ABHD6: variants seen among roughly 807,000 people sequenced by gnomAD.
ABHD6 encodes monoacylglycerol lipase ABHD6.
ABHD6 carries 33 observed loss-of-function variants against 38.8 expected under a neutral mutation model. The ratio of observed to expected loss-of-function variants is 0.85; its 90% CI spans 0.64 to 1.14. ABHD6 has a LOEUF of 1.14. Ranked by LOEUF, ABHD6 falls within the 50% of genes most tolerant of loss-of-function variation. The pLI, the probability that ABHD6 is intolerant of heterozygous loss-of-function variation, is 0.00. For missense variants in ABHD6, 380 were observed against 422.6 expected, an observed-to-expected ratio of 0.90 and a Z score of 0.88; for synonymous variants, 147 against 161.6, an observed-to-expected ratio of 0.91 and a Z score of 0.69.
chr3:58,282,645 AG>A (rs1456791756), intron 7 of ABHD6, among the ~76,000 whole-genome samples: 1 of 152,112 alleles, frequency 6.6e-6, no homozygotes. Flanking sequence ...CTGAGGTGAG[AG>A]GATCACCTGA....
chr3:58,267,127 C>G lies in ABHD6; in HGVS notation c.120-62C>G, dbSNP rs956298786. The G allele has an allele frequency of 6.4e-7, 1 of 1,568,194 alleles. No individual in the cohort carries two copies. Among genetic ancestry groups the G allele is most frequent in the African/African-American group, 1.4e-5 (1 of 73,572 alleles). ...ACTTATAGAGAGGACCTGTGCCCATCTTGAAGCCACTCATCTAGAGCTTAC... is the reference window on the plus strand; with the variant it reads ...ACTTATAGAGAGGACCTGTGCCCATGTTGAAGCCACTCATCTAGAGCTTAC... On this transcript the variant is annotated intron_variant, in intron 3 of 9. Transcript: ENST00000478253. This position sits in a 1 kb window ranked among gnomAD's most constrained non-coding sequence, Gnocchi z 4.3.
Position 58,257,605 on chromosome 3 carries a change from C to G in ABHD6, c.119+900C>G, listed in dbSNP as rs1276506754. Among the ~76,000 whole-genome samples, 4 of 152,062 alleles carry G rather than the reference C, an allele frequency of 2.6e-5. No homozygotes were observed. Among genetic ancestry groups the G allele is most frequent in the Non-Finnish European group, 5.9e-5 (4 of 68,012 alleles). The stretch of plus-strand genomic sequence containing the variant: ...CTCAAACTCCTGACCTCAAGTGATC[C>G]TCCCACCTCAGCCTCCCAAAGTGCT... On this transcript the variant is annotated intron_variant, in intron 3 of 9. Transcript: ENST00000478253. The surrounding 1 kb of genome is among the most constrained non-coding windows in gnomAD (Gnocchi z 4.8).
chr3:58,270,850 T>G, intron 5 of ABHD6, 82 bp from the exon 6 acceptor site: 1 of 1,440,856 alleles, frequency 6.9e-7, no homozygotes, highest in Non-Finnish European at 9.3e-7. Flanking sequence ...CCATAGGAAG[T>G]CCAGGGGGCT....
At chr3:58,252,130 G>A (rs992155344) in intron 2 of ABHD6, among the ~76,000 whole-genome samples, 3 of 151,766 alleles carry the variant, frequency 2.0e-5, no homozygotes, top group Non-Finnish European at 2.9e-5. Flanking sequence ...TCCATTGCAC[G>A]AGTTTGTCCC....
chr3:58,274,723 G>A lies in ABHD6; in HGVS notation c.589G>A (p.Val197Met), dbSNP rs765610845. 73 of 1,614,220 alleles carry A rather than the reference G, an allele frequency of 4.5e-5. 1 individual carries two copies. The highest frequency in any genetic ancestry group is 6.7e-5 in the East Asian group (3 of 44,890). ...RLKELQGSAA[V>M]EKIPLIPSTP... Reference sequence around the variant, plus strand: ...CAAAGAACTGCAGGGCTCTGCCGCCGTGGAGAAGATTCCCTTGATCCCGTC... The same window carrying A: ...CAAAGAACTGCAGGGCTCTGCCGCCATGGAGAAGATTCCCTTGATCCCGTC... Residue 197 changes from valine (V) to methionine (M), a missense_variant, in exon 7 of 10, where the codon GTG becomes ATG. Physicochemically the swap from Val to Met is conservative, Grantham distance 21. Transcript: ENST00000478253.
At position 58,286,852 on chromosome 3, in the gene ABHD6, G is replaced by GTATATATATATATATATATA. The variant is rs1235603195; in HGVS notation, c.837+1416_837+1417insATATATATATATATATATAT. Among the ~76,000 whole-genome samples, 214 of 70,580 alleles carry GTATATATATATATATATATA rather than the reference G, an allele frequency of 3.0e-3. 7 individuals are homozygous for GTATATATATATATATATATA. The highest frequency in any genetic ancestry group is 4.2e-3 in the Admixed American group (24 of 5,778). The allele number at this position is 70,580 out of a possible 152,430, so 46.3% of individuals were successfully genotyped here. A position where few individuals can be genotyped will look rare whatever the true frequency, so the allele number is the denominator to read the frequency against. ...TGTGTGTGTGTGTGTGTGTGTGTGT[G>GTATATATATATATATATATA]TATATATATATATATATGTATATGT... On this transcript the variant is annotated intron_variant, in intron 9 of 9. Coordinates refer to ENST00000478253, the MANE Select transcript of ABHD6 (RefSeq NM_001320126.2).
chr3:58,267,276 G>T lies in ABHD6; in HGVS notation c.207G>T (p.Gly69=), dbSNP rs367829531. The change falls in exon 4 of 10, where the codon GGG becomes GGT. Residue 69 remains glycine (G), a synonymous_variant. Transcript: ENST00000478253. This position sits in a 1 kb window ranked among gnomAD's most constrained non-coding sequence, Gnocchi z 4.3. ...QFCYSFRGRP[G]HKPSILMLHG... ...GTTATTCCTTCCGGGGCAGGCCTGG[G>T]CACAAACCCTCCATCCTCATGCTCC... is the stretch of plus-strand genomic sequence containing the variant. 3 of 1,614,014 alleles carry T rather than the reference G, an allele frequency of 1.9e-6. No individual in the cohort carries two copies. The highest frequency in any genetic ancestry group is 1.3e-5 in the African/African-American group (1 of 74,920).
chr3:58,242,867 C>T (rs1476367531), intron 1 of ABHD6, among the ~76,000 whole-genome samples: 1 of 152,142 alleles, frequency 6.6e-6, no homozygotes, highest in African/African-American at 2.4e-5. Flanking sequence ...GCTATCCCTC[C>T]CCCATCCCCC....
Position 58,285,512 on chromosome 3 carries a change from G to A in ABHD6, c.837+59G>A, listed in dbSNP as rs1004210892. The A allele has an allele frequency of 2.3e-5, 33 of 1,424,482 alleles. No homozygotes were observed. The highest frequency in any genetic ancestry group is 6.7e-5 in the Admixed American group (4 of 59,388). 88.2% of individuals were successfully genotyped at this position (1,424,482 alleles called of 1,614,324 possible). ...GTCACCAGGGCCTCTGAGGAAAAACGTCCTTGAGGAAGAACAAGTGGTTAT... is the reference window on the plus strand; with the variant it reads ...GTCACCAGGGCCTCTGAGGAAAAACATCCTTGAGGAAGAACAAGTGGTTAT... On this transcript the variant is annotated intron_variant, in intron 9 of 9. Coordinates refer to ENST00000478253, the MANE Select transcript of ABHD6 (RefSeq NM_001320126.2). This position sits in a 1 kb window ranked among gnomAD's most constrained non-coding sequence, Gnocchi z 4.9.
intron 1 of ABHD6, among the ~76,000 whole-genome samples, chr3:58,239,191 T>G (rs969070811): frequency 1.3e-5 from 2 of 151,950 alleles, no homozygotes; most frequent in Non-Finnish European, 2.9e-5. Flanking sequence ...AAGAACATTG[T>G]TATAATATAG....
At chr3:58,272,158 G>T (rs574339221) in intron 6 of ABHD6, among the ~76,000 whole-genome samples, 1 of 152,098 alleles carries the variant, frequency 6.6e-6, no homozygotes, top group South Asian at 2.1e-4. Flanking sequence ...ATAGTAAATT[G>T]TCTAAATTTA....
chr3:58,250,535 G>A (rs2097429219), intron 2 of ABHD6, among the ~76,000 whole-genome samples: 1 of 152,044 alleles, frequency 6.6e-6, no homozygotes, highest in South Asian at 2.1e-4. Flanking sequence ...GGGACTATGG[G>A]GTGTGAAAGA....
Position 58,285,511 on chromosome 3 carries a change from C to T in ABHD6, c.837+58C>T, listed in dbSNP as rs773658630. The T allele has an allele frequency of 5.8e-5, 83 of 1,433,622 alleles. No individual in the cohort carries two copies. Among genetic ancestry groups the T allele is most frequent in the East Asian group, 1.8e-4 (8 of 43,990 alleles). The allele number at this position is 1,433,622 out of a possible 1,614,324, so 88.8% of individuals were successfully genotyped here. ...GGTCACCAGGGCCTCTGAGGAAAAA[C>T]GTCCTTGAGGAAGAACAAGTGGTTA... On this transcript the variant is annotated intron_variant, in intron 9 of 9. Coordinates refer to ENST00000478253, the MANE Select transcript of ABHD6 (RefSeq NM_001320126.2). This position sits in a 1 kb window ranked among gnomAD's most constrained non-coding sequence, Gnocchi z 4.9.
At position 58,256,553 on chromosome 3, in the gene ABHD6, C is replaced by G; in HGVS notation, c.-25-9C>G. On this transcript the variant is annotated splice_polypyrimidine_tract_variant and intron_variant, in intron 2 of 9. Transcript: ENST00000478253. The surrounding 1 kb of genome is among the most constrained non-coding windows in gnomAD (Gnocchi z 4.3). ...GTTTTAATATCGTCATTCTCTTTGG[C>G]CCCTGCAGGAGTCAGCCAGCCTGAA... 6.7e-7 allele frequency: 1 copy of G among 1,488,402 alleles called. No homozygotes were observed. The highest frequency in any genetic ancestry group is 1.2e-5 in the South Asian group (1 of 86,922). The allele number at this position is 1,488,402 out of a possible 1,614,324, so 92.2% of individuals were successfully genotyped here.
intron 5 of ABHD6, among the ~76,000 whole-genome samples, chr3:58,270,386 C>A (rs2097443961): frequency 2.0e-5 from 3 of 151,372 alleles, no homozygotes. Context: ...TTGTCTGCAA[C>A]AGCAGAGTTG....
rs973311551 is a variant in ABHD6 at position 58,244,397 on chromosome 3, AC to A, written c.-90-5480del. 2.2e-4 allele frequency among the ~76,000 whole-genome samples: 34 copies of A among 152,348 alleles called. No individual in the cohort carries two copies. In the East Asian group the frequency reaches 6.2e-3, roughly 28 times the overall value. ...GCAAAAATGGCTTCTTTATGATAGCACAGTGATGACCAAATGTTAATTGGAA... is the reference window on the plus strand; with the variant it reads ...GCAAAAATGGCTTCTTTATGATAGCAAGTGATGACCAAATGTTAATTGGAA... On this transcript the variant is annotated intron_variant, in intron 1 of 9. Transcript: ENST00000478253.
chr3:58,293,188 CTGTG>C lies in ABHD6; in HGVS notation c.838-400_838-397del. 6.6e-6 allele frequency among the ~76,000 whole-genome samples: 1 copy of C among 152,142 alleles called. No individual in the cohort carries two copies. The highest frequency in any genetic ancestry group is 2.4e-5 in the African/African-American group (1 of 41,436). On this transcript the variant is annotated intron_variant, in intron 9 of 9. Transcript: ENST00000478253. This position sits in a 1 kb window ranked among gnomAD's most constrained non-coding sequence, Gnocchi z 4.4. ...CCTGCACTCGCCATGATCTCCCACC[CTGTG>C]CCATTCCCACATCCGTGAATGCTCC...
chr3:58,250,462 T>C (rs550865617), intron 2 of ABHD6, among the ~76,000 whole-genome samples: 28 of 152,200 alleles, frequency 1.8e-4, no homozygotes, highest in Non-Finnish European at 3.7e-4. Flanking sequence ...TTGGTGGACA[T>C]GAGACCAGCA....
chr3:58,281,674 G>A (rs1208389966), intron 7 of ABHD6, among the ~76,000 whole-genome samples: 2 of 152,216 alleles, frequency 1.3e-5, no homozygotes, highest in Non-Finnish European at 2.9e-5. Flanking sequence ...CGCCTTCTGC[G>A]TTGATCACGC....
Sources: allele counts gnomAD v4.1 joint callset (sites outside exome capture counted in the v4.1 genomes callset), GRCh38; gene constraint gnomAD v4.1.1; non-coding constraint Gnocchi (gnomAD v3.1); transcripts MANE v1.5; gene names NCBI Gene and HGNC (gene_info 2026-07-23, HGNC 2026-07-21).